Variants in C5orf34 observed in about 807,000 individuals in gnomAD.
C5orf34 encodes uncharacterized protein C5orf34.
In C5orf34, 73 loss-of-function variants were observed where a neutral mutation model predicts 78.4. That is an observed-to-expected ratio of 0.93 (90% CI 0.77 to 1.13). The LOEUF (loss-of-function observed/expected upper bound fraction) is 1.13. C5orf34 is among the 50% of genes most tolerant of loss of function. C5orf34 has a pLI of 0.00. For synonymous variants in C5orf34, 251 were observed against 246.6 expected, an observed-to-expected ratio of 1.02 and a Z score of -0.17; for missense variants, 730 against 732.7, an observed-to-expected ratio of 1.00 and a Z score of 0.04.
chr5:43,510,709 C>T (rs1233387548), intron 1 of C5orf34, among the ~76,000 whole-genome samples: 1 of 152,246 alleles, frequency 6.6e-6, no homozygotes, highest in Non-Finnish European at 1.5e-5. Flanking sequence ...TCCCGAGGTG[C>T]CGGGATTGCA....
intron 10 of C5orf34, 21 bp from the exon 11 acceptor site, chr5:43,490,750 G>T (rs932630257): frequency 2.5e-6 from 3 of 1,214,660 alleles, no homozygotes; most frequent in African/African-American, 1.5e-5. Flanking sequence ...TACATTAAAA[G>T]AAATACTTGA....
intron 1 of C5orf34, among the ~76,000 whole-genome samples, chr5:43,512,726 A>G (rs1300986160): frequency 7.1e-6 from 1 of 141,154 alleles, no homozygotes; most frequent in Non-Finnish European, 1.5e-5. Context: ...CCTTCTTAAC[A>G]TAACACTGAT....
intron 1 of C5orf34, among the ~76,000 whole-genome samples, chr5:43,509,787 G>A (rs1334102514): frequency 1.3e-4 from 20 of 151,518 alleles, no homozygotes; most frequent in Non-Finnish European, 1.5e-4. Context: ...ATGGAGTCTC[G>A]CTCTGTCATC....
chr5:43,498,150 T>C (rs1245319113), intron 6 of C5orf34, among the ~76,000 whole-genome samples: 2 of 152,234 alleles, frequency 1.3e-5, no homozygotes, highest in Non-Finnish European at 2.9e-5. Context: ...TGCAGCTCCA[T>C]GAAGGAAGGG....
chr5:43,499,439 C>T (rs1490797670), intron 6 of C5orf34, among the ~76,000 whole-genome samples: 3 of 152,100 alleles, frequency 2.0e-5, no homozygotes, highest in African/African-American at 4.8e-5. Flanking sequence ...TATGGAAGTA[C>T]TTACACTGTG....
In C5orf34 at chr5:43,504,296, C is replaced by CAAA. The variant is rs35842237; in HGVS notation, c.933-539_933-537dup. Among the ~76,000 whole-genome samples the CAAA allele has an allele frequency of 1.5e-4, 14 of 96,276 alleles. No individual in the cohort carries two copies. In the East Asian group the frequency reaches 1.6e-3, roughly 11 times the overall value. The allele number at this position is 96,276 out of a possible 152,430, so 63.2% of individuals were successfully genotyped here. On this transcript the variant is annotated intron_variant, in intron 4 of 12. Transcript: ENST00000306862. ...TGGGTGACAGAGCGAGAATCCATCT[C>CAAA]AAAAAAAAAAAAAAAAATTACTAAA...
chr5:43,486,932 A>C lies in C5orf34; in HGVS notation c.1900T>G (p.Ser634Ala). The C allele has an allele frequency of 6.5e-7, 1 of 1,529,182 alleles. No homozygotes were observed. The highest frequency in any genetic ancestry group is 8.8e-7 in the Non-Finnish European group (1 of 1,142,730). 94.7% of individuals were successfully genotyped at this position (1,529,182 alleles called of 1,614,324 possible). The stretch of plus-strand genomic sequence containing the variant: ...TCCATTTTTCACTTTTTAGAGTTTG[A>C]TAGAAGACAGTCAATATCGTGAAGG... ...EILHDIDCLL[S>A]NSKK The change falls in exon 13 of 13, where the codon TCA becomes GCA. Residue 634 changes from serine (S) to alanine (A), a missense_variant. By Grantham distance (99) the Ser-to-Ala change is moderately conservative. Coordinates refer to ENST00000306862, the MANE Select transcript of C5orf34 (RefSeq NM_198566.4).
chr5:43,501,948 C>T (rs1745776331), intron 6 of C5orf34, among the ~76,000 whole-genome samples: 2 of 152,276 alleles, frequency 1.3e-5, no homozygotes, highest in East Asian at 1.9e-4. Context: ...AGAGAACAAT[C>T]TTATTCAACT....
At chr5:43,490,281 C>A (rs908462029) in intron 11 of C5orf34, 3 of 176,628 alleles carry the variant, frequency 1.7e-5, no homozygotes, top group East Asian at 1.6e-4. Context: ...GTTATTAAAC[C>A]TTTTATTTCC....
In C5orf34 at chr5:43,506,404, G is replaced by A; in HGVS notation, c.286-10C>T. 2.5e-6 allele frequency: 4 copies of A among 1,572,012 alleles called. No individual in the cohort carries two copies. Among genetic ancestry groups the A allele is most frequent in the East Asian group, 2.3e-5 (1 of 44,390 alleles). The stretch of plus-strand genomic sequence containing the variant: ...TGTCAATGAAGATATGCTGCAAGGA[G>A]AGGGGAAAAGAGACGGTGAGTATTT... On this transcript the variant is annotated splice_polypyrimidine_tract_variant and intron_variant, in intron 3 of 12. Coordinates refer to ENST00000306862, the MANE Select transcript of C5orf34 (RefSeq NM_198566.4).
chr5:43,500,231 G>A (rs776581425), intron 6 of C5orf34, among the ~76,000 whole-genome samples: 1 of 152,062 alleles, frequency 6.6e-6, no homozygotes, highest in Non-Finnish European at 1.5e-5. Flanking sequence ...CAAATATTAT[G>A]ACTTTTTAAT....
At chr5:43,496,032 G>C in intron 6 of C5orf34, 1 of 1,591,458 alleles carries the variant, frequency 6.3e-7, no homozygotes, top group Admixed American at 1.7e-5. Flanking sequence ...TTCACACCCA[G>C]TGTGTAAGCC....
intron 1 of C5orf34, among the ~76,000 whole-genome samples, chr5:43,510,677 G>T (rs990750040): frequency 7.2e-5 from 11 of 152,236 alleles, no homozygotes; most frequent in African/African-American, 1.2e-4. Context: ...TCCTAACCGC[G>T]AGTGATCTGC....
Position 43,509,347 on chromosome 5 carries a change from G to T in C5orf34, c.-8C>A. The T allele has an allele frequency of 2.0e-6, 3 of 1,486,318 alleles. No individual in the cohort carries two copies. The highest frequency in any genetic ancestry group is 8.9e-7 in the Non-Finnish European group (1 of 1,123,154). The allele number at this position is 1,486,318 out of a possible 1,614,324, so 92.1% of individuals were successfully genotyped here. On this transcript the variant is annotated 5_prime_UTR_variant, in exon 2 of 13. Transcript: ENST00000306862. ...TCGCAGTTCAGCTGCCATTACAACG[G>T]CAGGATAAGATATCTTCTAAGTCAA...
At chr5:43,497,005 G>C (rs567931037) in intron 6 of C5orf34, among the ~76,000 whole-genome samples, 58 of 152,066 alleles carry the variant, frequency 3.8e-4, no homozygotes, top group African/African-American at 1.2e-3. Context: ...AAGACAAAAA[G>C]ACATGGATAT....
At chr5:43,490,983 A>G (rs1745258075) in intron 10 of C5orf34, among the ~76,000 whole-genome samples, 1 of 152,178 alleles carries the variant, frequency 6.6e-6, no homozygotes, top group Admixed American at 6.5e-5. Flanking sequence ...GAATCAAAAT[A>G]AAGGCGATAT....
chr5:43,496,555 C>CTCCTATTCA (rs1745535912), intron 6 of C5orf34: 1 of 852,350 alleles, frequency 1.2e-6, no homozygotes, highest in African/African-American at 1.9e-5. Context: ...TATAGAATTA[C>CTCCTATTCA]TCCTATTCAT....
At chr5:43,510,447 G>A (rs1050367450) in intron 1 of C5orf34, among the ~76,000 whole-genome samples, 2 of 151,948 alleles carry the variant, frequency 1.3e-5, no homozygotes, top group African/African-American at 2.4e-5. Flanking sequence ...CTCTCCCCAC[G>A]GTCTCCCTCT....
At chr5:43,498,291 GTTC>G (rs1441585207) in intron 6 of C5orf34, among the ~76,000 whole-genome samples, 2 of 152,008 alleles carry the variant, frequency 1.3e-5, no homozygotes, top group Non-Finnish European at 2.9e-5. Context: ...TTCCCTCTGG[GTTC>G]TTATTTCCAA....
Sources: gnomAD v4.1 joint callset for allele counts (sites outside exome capture counted in the v4.1 genomes callset) on GRCh38, gnomAD v4.1.1 for gene constraint, MANE v1.5 for transcripts, NCBI Gene and HGNC (gene_info 2026-07-23, HGNC 2026-07-21) for gene names.